PGCKA1: variants seen among roughly 807,000 people sequenced by gnomAD.
PGCKA1 encodes PDCD10 and GCKIII kinases associated 1.
At chr4:37,557,063 G>A in the PGCKA1 span, among the ~76,000 whole-genome samples, 661 of 152,312 alleles carry the variant, frequency 4.3e-3, 2 homozygotes, top group Non-Finnish European at 7.5e-3. Context: ...CTACTTGGGA[G>A]TGGAATAAGA....
At chr4:37,524,741 G>A in the PGCKA1 span, among the ~76,000 whole-genome samples, 1 of 152,198 alleles carries the variant, frequency 6.6e-6, no homozygotes, top group Non-Finnish European at 1.5e-5. Flanking sequence ...GTACTGCTTA[G>A]TAAAGACAGT....
chr4:37,557,304 G>A, the PGCKA1 span, among the ~76,000 whole-genome samples: 1 of 152,050 alleles, frequency 6.6e-6, no homozygotes, highest in Non-Finnish European at 1.5e-5. Context: ...TCAAAACTTT[G>A]TCCATCAGAG....
At chr4:37,466,322 T>C in the PGCKA1 span, among the ~76,000 whole-genome samples, 7 of 152,206 alleles carry the variant, frequency 4.6e-5, no homozygotes, top group African/African-American at 1.7e-4. Context: ...TCTGAATATA[T>C]ATTCCTGTTG....
chr4:37,494,085 ATAAC>A, the PGCKA1 span, among the ~76,000 whole-genome samples: 3 of 152,298 alleles, frequency 2.0e-5, no homozygotes, highest in South Asian at 6.2e-4. Flanking sequence ...TTTGGGGTAT[ATAAC>A]TAGCAGTGGG....
At chr4:37,518,983 A>G in the PGCKA1 span, among the ~76,000 whole-genome samples, 12 of 152,224 alleles carry the variant, frequency 7.9e-5, no homozygotes, top group Non-Finnish European at 1.3e-4. Flanking sequence ...ACTCTTCTGT[A>G]TATGGATATC....
the PGCKA1 span, among the ~76,000 whole-genome samples, chr4:37,474,556 G>A: frequency 6.6e-6 from 1 of 152,306 alleles, no homozygotes; most frequent in East Asian, 1.9e-4. Flanking sequence ...CCTGCTTTAG[G>A]ATGAGTGGAA....
the PGCKA1 span, chr4:37,454,164 G>T: frequency 6.6e-6 from 1 of 152,172 alleles, no homozygotes; most frequent in Non-Finnish European, 1.5e-5. Context: ...TTCTTGATTT[G>T]CTTTTGCCCT....
the PGCKA1 span, among the ~76,000 whole-genome samples, chr4:37,558,270 GT>G: frequency 1.4e-4 from 21 of 152,048 alleles, no homozygotes; most frequent in Admixed American, 1.4e-3. Flanking sequence ...TCCTTTTTAC[GT>G]TTGTTTTTTG....
chr4:37,569,979 C>CCT, the PGCKA1 span, among the ~76,000 whole-genome samples: 1 of 119,264 alleles, frequency 8.4e-6, no homozygotes, highest in South Asian at 2.6e-4. Context: ...GCATATAATC[C>CCT]TTTTTTTTTT....
chr4:37,499,739 CA>C, the PGCKA1 span, among the ~76,000 whole-genome samples: 4 of 150,276 alleles, frequency 2.7e-5, no homozygotes, highest in Non-Finnish European at 5.9e-5. Context: ...TTATTTTTTT[CA>C]AAAAAACACA....
chr4:37,517,258 T>A, the PGCKA1 span, among the ~76,000 whole-genome samples: 154 of 144,896 alleles, frequency 1.1e-3, no homozygotes, highest in Middle Eastern at 3.6e-3. Context: ...TCTCAAAAAA[T>A]ATATATATAT....
the PGCKA1 span, among the ~76,000 whole-genome samples, chr4:37,543,191 ATTTCT>A: frequency 2.8e-4 from 40 of 143,874 alleles, no homozygotes; most frequent in Middle Eastern, 7.4e-3. Context: ...TTCTATTACT[ATTTCT>A]TTGGTGGGTT....
At chr4:37,464,593 A>C in the PGCKA1 span, among the ~76,000 whole-genome samples, 1 of 152,326 alleles carries the variant, frequency 6.6e-6, no homozygotes, top group Admixed American at 6.5e-5. Context: ...GAAAGAAAGA[A>C]TGAGGGAGGG....
the PGCKA1 span, among the ~76,000 whole-genome samples, chr4:37,490,050 G>C: frequency 6.6e-6 from 1 of 151,950 alleles, no homozygotes; most frequent in African/African-American, 2.4e-5. Flanking sequence ...TAGAAAAAAA[G>C]AGTGTCATGA....
the PGCKA1 span, among the ~76,000 whole-genome samples, chr4:37,543,690 C>T: frequency 0.053 from 7,936 of 151,094 alleles, 691 homozygotes; most frequent in African/African-American, 0.18. Context: ...AAAAATTAGC[C>T]GGGCGTGGTG....
the PGCKA1 span, among the ~76,000 whole-genome samples, chr4:37,545,596 G>T: frequency 6.6e-6 from 1 of 152,196 alleles, no homozygotes; most frequent in African/African-American, 2.4e-5. Context: ...AGAGGTCAGT[G>T]ACTTTACTTT....
At chr4:37,495,651 T>C in the PGCKA1 span, among the ~76,000 whole-genome samples, 1 of 150,966 alleles carries the variant, frequency 6.6e-6, no homozygotes, top group Non-Finnish European at 1.5e-5. Flanking sequence ...TAAGTGGGAG[T>C]TCAACAGTTA....
At chr4:37,510,331 G>T in the PGCKA1 span, among the ~76,000 whole-genome samples, 13 of 151,848 alleles carry the variant, frequency 8.6e-5, no homozygotes. Context: ...TGCTATAGGG[G>T]CTTTTTTGTA....
At chr4:37,510,114 C>T in the PGCKA1 span, among the ~76,000 whole-genome samples, 1 of 152,276 alleles carries the variant, frequency 6.6e-6, no homozygotes, top group Non-Finnish European at 1.5e-5. Context: ...TGAATTCCTT[C>T]TCTGCATTAT....
Sources: allele counts gnomAD v4.1 joint callset (sites outside exome capture counted in the v4.1 genomes callset), GRCh38; gene constraint gnomAD v4.1.1; transcripts MANE v1.5; gene names NCBI Gene and HGNC (gene_info 2026-07-23, HGNC 2026-07-21).